The following EPB41L5 variants were observed in gnomAD, a reference collection of about 807,000 sequenced individuals.
EPB41L5 encodes erythrocyte membrane protein band 4.1 like 5.
Under a neutral mutation model 106.6 loss-of-function variants are expected in EPB41L5, and 55 were observed. The ratio of observed to expected loss-of-function variants is 0.52; its 90% CI spans 0.42 to 0.65. The LOEUF is 0.65. Ranked by LOEUF, EPB41L5 falls within the 30% of genes least tolerant of loss-of-function variation. EPB41L5 has a pLI of 0.00. For missense variants in EPB41L5, 871 were observed against 882.1 expected (o/e 0.99, Z 0.16); for synonymous variants, 297 against 306.7 (o/e 0.97, Z 0.33).
intron 1 of EPB41L5, among the ~76,000 whole-genome samples, chr2:120,016,300 G>A (rs1317727328): frequency 6.6e-6 from 1 of 152,038 alleles, no homozygotes; most frequent in Non-Finnish European, 1.5e-5. Context: ...CGTGGTGGCT[G>A]GTACCTGTAA....
At chr2:120,053,145 G>A (rs1680402094) in intron 3 of EPB41L5, among the ~76,000 whole-genome samples, 1 of 152,082 alleles carries the variant, frequency 6.6e-6, no homozygotes. Flanking sequence ...AAAAAGGAAA[G>A]GATTGTGAAA....
intron 22 of EPB41L5, among the ~76,000 whole-genome samples, chr2:120,166,814 GC>G (rs531224725): frequency 6.6e-6 from 1 of 152,214 alleles, no homozygotes; most frequent in Non-Finnish European, 1.5e-5. Flanking sequence ...AGTATGTAAG[GC>G]CACCAATGCA....
At chr2:120,109,945 A>AT (rs1684644773) in intron 16 of EPB41L5, among the ~76,000 whole-genome samples, 1 of 152,314 alleles carries the variant, frequency 6.6e-6, no homozygotes, top group Admixed American at 6.5e-5. Flanking sequence ...TGTTCACATA[A>AT]TTTATGACAG....
At chr2:120,052,740 C>T (rs752867440) in intron 3 of EPB41L5, among the ~76,000 whole-genome samples, 1 of 152,168 alleles carries the variant, frequency 6.6e-6, no homozygotes, top group Non-Finnish European at 1.5e-5. Context: ...GTGCCCTACT[C>T]CAGCCCTGGA....
chr2:120,167,478 T>C lies in EPB41L5; in HGVS notation c.1975T>C (p.Ser659Pro). ...HTVAPQVSSTSMITPRWIVPQ... is the reference protein window; with the variant it reads ...HTVAPQVSSTPMITPRWIVPQ... ...AAAATTATTTCAGGTGTCTTCCACA[T>C]CCATGATCACACCCCGGTGGATTGT... is the stretch of plus-strand genomic sequence containing the variant. Residue 659 changes from serine (S) to proline (P), a missense_variant, in exon 23 of 25, where the codon TCC becomes CCC. Physicochemically the swap from Ser to Pro is moderately conservative, Grantham distance 74. Transcript: ENST00000263713. The C allele has an allele frequency of 6.2e-7, 1 of 1,613,794 alleles. No individual in the cohort carries two copies. Among genetic ancestry groups the C allele is most frequent in the Non-Finnish European group, 8.5e-7 (1 of 1,179,716 alleles).
chr2:120,086,537 G>A (rs897146344), intron 10 of EPB41L5, among the ~76,000 whole-genome samples: 4 of 152,070 alleles, frequency 2.6e-5, no homozygotes, highest in African/African-American at 7.2e-5. Flanking sequence ...CAGGGTATGC[G>A]GATCACTTGA....
chr2:120,017,024 C>A (rs1677572302), intron 1 of EPB41L5, among the ~76,000 whole-genome samples: 1 of 152,222 alleles, frequency 6.6e-6, no homozygotes, highest in South Asian at 2.1e-4. Context: ...GTAGGCTAAT[C>A]TTCAGTGTAT....
chr2:120,106,056 A>G (rs1684437051), intron 16 of EPB41L5: 1 of 984,840 alleles, frequency 1.0e-6, no homozygotes, highest in South Asian at 4.7e-5. Flanking sequence ...ATTGTAATTG[A>G]AGAGTAAGAT....
chr2:120,087,122 A>G (rs537675713), intron 10 of EPB41L5, 49 bp from the exon 11 acceptor site: 1 of 1,151,320 alleles, frequency 8.7e-7, no homozygotes, highest in African/African-American at 1.6e-5. Context: ...TTTCATATTT[A>G]GAGAACATTT....
chr2:120,039,828 GAAAAAAAAA>G (rs564488728), intron 2 of EPB41L5, among the ~76,000 whole-genome samples: 1 of 86,440 alleles, frequency 1.2e-5, no homozygotes, highest in African/African-American at 4.2e-5. Context: ...TCTGTCTCAG[GAAAAAAAAA>G]AAAAAAAAAA....
At chr2:120,106,085 G>C in intron 16 of EPB41L5, 4 of 985,030 alleles carry the variant, frequency 4.1e-6, no homozygotes, top group Non-Finnish European at 4.8e-6. Context: ...CATATTGAAA[G>C]TGGCCATTTC....
intron 20 of EPB41L5, among the ~76,000 whole-genome samples, chr2:120,160,028 A>G (rs1216053007): frequency 1.3e-5 from 2 of 152,240 alleles, no homozygotes; most frequent in Non-Finnish European, 2.9e-5. Context: ...GAACACGTGG[A>G]CACATAGAGG....
At chr2:120,053,363 A>G (rs930012361) in intron 3 of EPB41L5, among the ~76,000 whole-genome samples, 2 of 152,192 alleles carry the variant, frequency 1.3e-5, no homozygotes, top group African/African-American at 2.4e-5. Context: ...GACAATTTAC[A>G]TACCATAAAG....
chr2:120,165,314 T>C (rs1687343179), intron 22 of EPB41L5, among the ~76,000 whole-genome samples: 1 of 152,208 alleles, frequency 6.6e-6, no homozygotes, highest in Non-Finnish European at 1.5e-5. Flanking sequence ...TCCCTCAGTA[T>C]CTGTGGGGGA....
chr2:120,114,923 T>A (rs1034633893), intron 16 of EPB41L5, among the ~76,000 whole-genome samples: 3 of 152,210 alleles, frequency 2.0e-5, no homozygotes, highest in African/African-American at 7.2e-5. Context: ...TGATTTAGCT[T>A]TATGTGTTTG....
At chr2:120,097,679 A>G (rs1403795848) in intron 14 of EPB41L5, among the ~76,000 whole-genome samples, 1 of 152,230 alleles carries the variant, frequency 6.6e-6, no homozygotes. Flanking sequence ...GAGGAAATCA[A>G]ATGAGTAGAA....
At chr2:120,088,632 G>A (rs1282369781) in intron 11 of EPB41L5, among the ~76,000 whole-genome samples, 2 of 152,118 alleles carry the variant, frequency 1.3e-5, no homozygotes, top group African/African-American at 4.8e-5. Context: ...TGAACACTAA[G>A]GTGTATGTAT....
chr2:120,172,258 C>T (rs2860989), intron 24 of EPB41L5, among the ~76,000 whole-genome samples: 87,071 of 151,958 alleles, frequency 0.57, 26,910 homozygotes, highest in Middle Eastern at 0.68. Context: ...CAAGCGTTCT[C>T]AGAACAGAGG....
chr2:120,028,188 G>T lies in EPB41L5; in HGVS notation c.180+8924G>T, dbSNP rs142027739. Among the ~76,000 whole-genome samples, 55 of 150,550 alleles carry T rather than the reference G, an allele frequency of 3.7e-4. No homozygotes were observed. The East Asian group carries it at 8.6e-3, about 24-fold the overall frequency. Reference sequence around the variant, plus strand: ...CGGAAGTTATTTTTTTTTTTAAAAAGAATGCATTGATTTTTGTGTATTTGT... The same window carrying T: ...CGGAAGTTATTTTTTTTTTTAAAAATAATGCATTGATTTTTGTGTATTTGT... On this transcript the variant is annotated intron_variant, in intron 2 of 24. Coordinates refer to ENST00000263713, the MANE Select transcript of EPB41L5 (RefSeq NM_020909.4).
Sources: allele counts gnomAD v4.1 joint callset (sites outside exome capture counted in the v4.1 genomes callset), GRCh38; gene constraint gnomAD v4.1.1; transcripts MANE v1.5; gene names NCBI Gene and HGNC (gene_info 2026-07-23, HGNC 2026-07-21).